Variants in QKI observed in about 807,000 individuals in gnomAD.
QKI encodes the protein KH domain-containing RNA-binding protein QKI.
QKI carries 10 observed loss-of-function variants against 39.0 expected under a neutral mutation model. The observed-to-expected ratio is 0.26, with a 90% CI of 0.16 to 0.43. The LOEUF is 0.43. QKI is among the 20% of genes least tolerant of loss of function. The pLI, the probability that QKI is intolerant of heterozygous loss-of-function variation, is 1.00. For missense variants in QKI, 218 were observed against 428.0 expected (o/e 0.51, Z 4.33); for synonymous variants, 204 against 155.4 (o/e 1.31, Z -2.33).
At chr6:163,502,303 A>T (rs889431899) in intron 3 of QKI, among the ~76,000 whole-genome samples, 1 of 56,848 alleles carries the variant, frequency 1.8e-5, no homozygotes. Flanking sequence ...AACCTGGGTT[A>T]AACAGTGAGA....
chr6:163,538,503 A>T (rs1781331106), intron 4 of QKI, among the ~76,000 whole-genome samples: 1 of 152,028 alleles, frequency 6.6e-6, no homozygotes, highest in Non-Finnish European at 1.5e-5. Flanking sequence ...GAGCAGTAGG[A>T]GGTGAGGTCG....
intron 4 of QKI, among the ~76,000 whole-genome samples, chr6:163,557,516 G>T (rs542645340): frequency 6.6e-6 from 1 of 152,046 alleles, no homozygotes; most frequent in African/African-American, 2.4e-5. Context: ...AGTGTGGAGC[G>T]ATGGTTCCAG....
chr6:163,564,066 CTT>C (rs1783201619), intron 6 of QKI: 2 of 1,090,388 alleles, frequency 1.8e-6, no homozygotes, highest in Non-Finnish European at 2.2e-6. Context: ...ACTTCTCAAA[CTT>C]TATTTGAGAT....
intron 1 of QKI, among the ~76,000 whole-genome samples, chr6:163,437,211 T>C (rs1789372961): frequency 6.6e-6 from 1 of 152,186 alleles, no homozygotes; most frequent in Non-Finnish European, 1.5e-5. Context: ...AAAATTAAAA[T>C]TTGTTGCAAT....
chr6:163,460,857 G>A (rs1791299119), intron 2 of QKI, among the ~76,000 whole-genome samples: 1 of 151,834 alleles, frequency 6.6e-6, no homozygotes, highest in Non-Finnish European at 1.5e-5. Flanking sequence ...CTTGATTTTT[G>A]CCTGAATATG....
chr6:163,447,653 T>A (rs1790255128), intron 1 of QKI, among the ~76,000 whole-genome samples: 1 of 152,186 alleles, frequency 6.6e-6, no homozygotes, highest in Non-Finnish European at 1.5e-5. Flanking sequence ...TTTTTCTTTT[T>A]ATTTTGAGGG....
At chr6:163,560,731 C>T (rs952346525) in intron 4 of QKI, among the ~76,000 whole-genome samples, 2 of 152,050 alleles carry the variant, frequency 1.3e-5, no homozygotes, top group Non-Finnish European at 2.9e-5. Context: ...AGTAAGAAAC[C>T]ATGAAAGTGT....
intron 1 of QKI, among the ~76,000 whole-genome samples, chr6:163,432,563 A>C (rs1788921948): frequency 6.6e-6 from 1 of 152,000 alleles, no homozygotes; most frequent in African/African-American, 2.4e-5. Context: ...TGGATAATTA[A>C]AAAAAATTTT....
At chr6:163,432,064 C>G (rs957146854) in intron 1 of QKI, among the ~76,000 whole-genome samples, 4 of 152,160 alleles carry the variant, frequency 2.6e-5, no homozygotes, top group Non-Finnish European at 5.9e-5. Flanking sequence ...GCCTGATCCC[C>G]TCTAAGCAGA....
chr6:163,470,124 A>T (rs1428905698), intron 2 of QKI, among the ~76,000 whole-genome samples: 1 of 152,282 alleles, frequency 6.6e-6, no homozygotes, highest in South Asian at 2.1e-4. Context: ...ATGATCAAGG[A>T]TATAACCGTG....
chr6:163,502,575 A>C (rs1778840866), intron 3 of QKI, among the ~76,000 whole-genome samples: 1 of 152,128 alleles, frequency 6.6e-6, no homozygotes, highest in Non-Finnish European at 1.5e-5. Context: ...GTGCTTCATA[A>C]AGGGGCTCCA....
At chr6:163,565,775 C>G in intron 6 of QKI, 1 of 1,282,522 alleles carries the variant, frequency 7.8e-7, no homozygotes, top group East Asian at 2.8e-5. Context: ...TAAATTTGCA[C>G]ACAGATAACA....
intron 1 of QKI, among the ~76,000 whole-genome samples, chr6:163,439,893 G>T (rs1207463689): frequency 6.6e-6 from 1 of 151,914 alleles, no homozygotes; most frequent in African/African-American, 2.4e-5. Flanking sequence ...CAAGTGATCT[G>T]CCTGCCTTGG....
At chr6:163,456,730 G>T (rs1016697865) in intron 2 of QKI, among the ~76,000 whole-genome samples, 6 of 152,084 alleles carry the variant, frequency 3.9e-5, no homozygotes, top group African/African-American at 1.2e-4. Context: ...GATAATGTAG[G>T]AAAAGAGGAG....
intron 6 of QKI, chr6:163,565,970 A>G (rs967128213): frequency 6.8e-6 from 11 of 1,613,406 alleles, no homozygotes; most frequent in Admixed American, 1.7e-5. Context: ...ACGAAAGGCT[A>G]AGAATTCAAG....
chr6:163,448,997 G>T (rs906244796), intron 1 of QKI, among the ~76,000 whole-genome samples: 1 of 152,094 alleles, frequency 6.6e-6, no homozygotes, highest in African/African-American at 2.4e-5. Flanking sequence ...TGAAGTGACA[G>T]TTCTTCAGTT....
At chr6:163,448,269 G>A (rs548326711) in intron 1 of QKI, among the ~76,000 whole-genome samples, 6 of 151,132 alleles carry the variant, frequency 4.0e-5, no homozygotes, top group Admixed American at 3.9e-4. Flanking sequence ...ACTTAGGATT[G>A]TGAAGTACAG....
intron 4 of QKI, among the ~76,000 whole-genome samples, chr6:163,555,425 C>T (rs1206593616): frequency 2.7e-5 from 4 of 147,318 alleles, no homozygotes; most frequent in Non-Finnish European, 3.0e-5. Context: ...TCAGGAGAAT[C>T]GCTTGAACCA....
At chr6:163,474,843 T>C (rs946693427) in intron 2 of QKI, among the ~76,000 whole-genome samples, 174 of 150,038 alleles carry the variant, frequency 1.2e-3, no homozygotes, top group African/African-American at 4.0e-3. Context: ...GAGGATTGCT[T>C]GAGGCCAAGA....
Sources: allele counts gnomAD v4.1 joint callset (sites outside exome capture counted in the v4.1 genomes callset), GRCh38; gene constraint gnomAD v4.1.1; transcripts MANE v1.5; gene names NCBI Gene and HGNC (gene_info 2026-07-23, HGNC 2026-07-21).